Variants in FGD4 observed in about 807,000 individuals in gnomAD.
The protein encoded by FGD4 is FYVE, RhoGEF and PH domain-containing protein 4.
In FGD4, 42 loss-of-function variants were observed where a neutral mutation model predicts 102.0. The observed-to-expected ratio is 0.41, with a 90% CI of 0.32 to 0.53. FGD4 has a LOEUF of 0.53. Among genes scored for constraint, FGD4 ranks in the 20% least tolerant of loss-of-function variants. The pLI is 0.21. For synonymous variants in FGD4, 380 were observed against 375.7 expected, an observed-to-expected ratio of 1.01 and a Z score of -0.13; for missense variants, 902 against 1,078.2, an observed-to-expected ratio of 0.84 and a Z score of 2.29.
chr12:32,458,583 TC>T (rs1943012586), intron 1 of FGD4, among the ~76,000 whole-genome samples: 1 of 152,336 alleles, frequency 6.6e-6, no homozygotes, highest in Non-Finnish European at 1.5e-5. Flanking sequence ...TTTTATTTTA[TC>T]CCACTGAAAC....
chr12:32,406,421 G>A (rs979800498), intron 1 of FGD4, among the ~76,000 whole-genome samples: 20 of 151,824 alleles, frequency 1.3e-4, no homozygotes, highest in South Asian at 6.2e-4. Flanking sequence ...AGGCGTGGTG[G>A]TGGGCGCCTG....
At position 32,544,590 on chromosome 12, in the gene FGD4, G is replaced by A. The variant is rs575997042; in HGVS notation, c.167-19547G>A. Among the ~76,000 whole-genome samples, 46 of 152,112 alleles carry A rather than the reference G, an allele frequency of 3.0e-4. No individual in the cohort carries two copies. The highest frequency in any genetic ancestry group is 8.3e-4 in the South Asian group (4 of 4,816). On this transcript the variant is annotated intron_variant, in intron 1 of 16. Coordinates refer to ENST00000534526, the MANE Select transcript of FGD4 (RefSeq NM_001370298.3). This position sits in a 1 kb window ranked among gnomAD's most constrained non-coding sequence, Gnocchi z 4.1. ...CTACAAAAAAATACAAAAATGAGCC[G>A]GGCGTGGTGGCTCACACCTGTGGTT...
chr12:32,426,195 T>C (rs552374297), intron 1 of FGD4, among the ~76,000 whole-genome samples: 1 of 152,274 alleles, frequency 6.6e-6, no homozygotes, highest in South Asian at 2.1e-4. Context: ...ATATTAGTTG[T>C]GGATTTGTCA....
chr12:32,553,315 C>T (rs1355548970), intron 1 of FGD4, among the ~76,000 whole-genome samples: 1 of 152,154 alleles, frequency 6.6e-6, no homozygotes, highest in Non-Finnish European at 1.5e-5. Flanking sequence ...TAACAGAATT[C>T]TAACTTTTAA....
chr12:32,578,780 G>C (rs1428738990), intron 3 of FGD4, among the ~76,000 whole-genome samples: 1 of 151,680 alleles, frequency 6.6e-6, no homozygotes, highest in Non-Finnish European at 1.5e-5. Flanking sequence ...GCAGTGAGCC[G>C]AGATTGTGCC....
intron 1 of FGD4, among the ~76,000 whole-genome samples, chr12:32,443,536 T>G (rs796174970): frequency 7.1e-6 from 1 of 141,280 alleles, no homozygotes; most frequent in Non-Finnish European, 1.5e-5. Flanking sequence ...TGTTTTAGGT[T>G]TTTTTTTTTT....
intron 4 of FGD4, among the ~76,000 whole-genome samples, chr12:32,590,854 T>C (rs1402279462): frequency 6.6e-6 from 1 of 152,184 alleles, no homozygotes; most frequent in Non-Finnish European, 1.5e-5. Context: ...CTTAGTTTCA[T>C]GATAAAGAAT....
chr12:32,578,417 GA>G (rs1208781717), intron 3 of FGD4, among the ~76,000 whole-genome samples: 1 of 152,070 alleles, frequency 6.6e-6, no homozygotes, highest in Non-Finnish European at 1.5e-5. Context: ...TTCCTTATGA[GA>G]GCTTAGACTA....
chr12:32,419,237 T>C (rs1303583282), intron 1 of FGD4, among the ~76,000 whole-genome samples: 2 of 152,040 alleles, frequency 1.3e-5, no homozygotes, highest in African/African-American at 4.8e-5. Flanking sequence ...TCCTTTATTT[T>C]CCCCCTGCTT....
Position 32,434,682 on chromosome 12 carries a change from T to C in FGD4, c.166+34723T>C, listed in dbSNP as rs180887783. Reference sequence around the variant, plus strand: ...TAATTGCCTTCTCATTGCTTTATGCTAGAAAAATGGGAATGTGCTTTAAAC... The same window carrying C: ...TAATTGCCTTCTCATTGCTTTATGCCAGAAAAATGGGAATGTGCTTTAAAC... On this transcript the variant is annotated intron_variant, in intron 1 of 16. Transcript: ENST00000534526. 1.6e-3 allele frequency among the ~76,000 whole-genome samples: 247 copies of C among 152,332 alleles called. 3 individuals carry two copies. The highest frequency in any genetic ancestry group is 4.4e-4 in the Non-Finnish European group (30 of 68,038).
At chr12:32,426,597 T>A (rs1941845449) in intron 1 of FGD4, among the ~76,000 whole-genome samples, 1 of 152,180 alleles carries the variant, frequency 6.6e-6, no homozygotes, top group South Asian at 2.1e-4. Context: ...TTAGGGGGGA[T>A]TCCCTCTTTT....
chr12:32,418,312 T>C (rs143046519), intron 1 of FGD4, among the ~76,000 whole-genome samples: 4 of 152,242 alleles, frequency 2.6e-5, no homozygotes, highest in Non-Finnish European at 4.4e-5. Flanking sequence ...TTCATCCTTG[T>C]AGATATTTGT....
chr12:32,572,666 T>G (rs1460149234), intron 2 of FGD4, among the ~76,000 whole-genome samples: 1 of 152,270 alleles, frequency 6.6e-6, no homozygotes, highest in African/African-American at 2.4e-5. Flanking sequence ...GGAAATCTTT[T>G]TAAAAGTGAA....
chr12:32,591,541 G>A (rs978986731), intron 4 of FGD4, among the ~76,000 whole-genome samples: 2 of 152,188 alleles, frequency 1.3e-5, no homozygotes, highest in African/African-American at 4.8e-5. Flanking sequence ...TCTGCTCCCC[G>A]ACTTGGTAGC....
At chr12:32,634,292 C>T (rs1950665317) in intron 15 of FGD4, among the ~76,000 whole-genome samples, 1 of 152,070 alleles carries the variant, frequency 6.6e-6, no homozygotes, top group Non-Finnish European at 1.5e-5. Context: ...AAAGCTTTTA[C>T]TCTCAATTTC....
In FGD4 at chr12:32,628,290, T is replaced by A. The variant is rs1330067098; in HGVS notation, c.2172+2511T>A. On this transcript the variant is annotated intron_variant, in intron 14 of 16. Coordinates refer to ENST00000534526, the MANE Select transcript of FGD4 (RefSeq NM_001370298.3). ...TGATGGGCCTCAGAGCTGCCAGGGG[T>A]TTTTGAAGGCAAGAAAAGAGTCAGG... 7.3e-5 allele frequency among the ~76,000 whole-genome samples: 11 copies of A among 149,856 alleles called. No individual in the cohort carries two copies. The East Asian group carries it at 2.1e-3, about 29-fold the overall frequency.
At chr12:32,401,971 T>C (rs1309818022) in intron 1 of FGD4, among the ~76,000 whole-genome samples, 1 of 149,118 alleles carries the variant, frequency 6.7e-6, no homozygotes, top group Non-Finnish European at 1.5e-5. Flanking sequence ...GACGCAATCT[T>C]GGCTCACTGC....
intron 13 of FGD4, among the ~76,000 whole-genome samples, chr12:32,625,289 T>TTTA (rs368679104): frequency 1.4e-3 from 204 of 143,880 alleles, no homozygotes; most frequent in African/African-American, 4.2e-3. Context: ...TTTTTTTTTT[T>TTTA]AACAGAGTCT....
intron 1 of FGD4, among the ~76,000 whole-genome samples, chr12:32,473,390 A>G (rs1009129107): frequency 6.6e-6 from 1 of 152,064 alleles, no homozygotes; most frequent in African/African-American, 2.4e-5. Context: ...TCCTGAGTCC[A>G]GCGAGCCCAG....
Sources: allele counts gnomAD v4.1 joint callset (sites outside exome capture counted in the v4.1 genomes callset), GRCh38; gene constraint gnomAD v4.1.1; non-coding constraint Gnocchi (gnomAD v3.1); transcripts MANE v1.5; gene names NCBI Gene and HGNC (gene_info 2026-07-23, HGNC 2026-07-21).